The following PLA2G3 variants were observed in gnomAD, a reference collection of about 807,000 sequenced individuals.
PLA2G3 encodes the protein phospholipase A2 group III, also known as group 3 secretory phospholipase A2.
A neutral mutation model predicts 51.3 loss-of-function variants in PLA2G3; 39 were observed. That is an observed-to-expected ratio of 0.76 (90% CI 0.59 to 0.99). The LOEUF is 0.99. Ranked by LOEUF, PLA2G3 falls within the 50% of genes least tolerant of loss-of-function variation. PLA2G3 has a pLI of 0.00. For missense variants in PLA2G3, 677 were observed against 662.1 expected (o/e 1.02, Z -0.25); for synonymous variants, 293 against 263.1 (o/e 1.11, Z -1.10).
intron 2 of PLA2G3, 69 bp from the exon 3 acceptor site, chr22:31,138,479 T>C (rs1414113010): frequency 6.3e-7 from 1 of 1,581,482 alleles, no homozygotes; most frequent in East Asian, 2.2e-5. Flanking sequence ...CAGCCCACTG[T>C]GCCACTACCA....
At position 31,136,798 on chromosome 22, in the gene PLA2G3, G is replaced by C. The variant is rs779898186; in HGVS notation, c.1201C>G (p.Leu401Val). Residue 401 changes from leucine (L) to valine (V), a missense_variant and splice_region_variant, in exon 6 of 7, where the codon CTG (leucine) becomes GTG (valine). By Grantham distance (32) the Leu-to-Val change is conservative. Coordinates refer to ENST00000215885, the MANE Select transcript of PLA2G3 (RefSeq NM_015715.5). The stretch of plus-strand genomic sequence containing the variant: ...CTGTGGAGCCTCAGGAAGCGTGCCA[G>C]ACTGAGAACAGAGGCAGGCTCAGGC... ...PLFHCNCTRR[L>V]ARFLRLHSPP... The C allele has an allele frequency of 6.2e-7, 1 of 1,609,426 alleles. No homozygotes were observed. The highest frequency in any genetic ancestry group is 1.1e-5 in the South Asian group (1 of 90,716).
Position 31,137,997 on chromosome 22 carries a change from G to A in PLA2G3, c.783-4C>T. 6.5e-7 allele frequency: 1 copy of A among 1,535,692 alleles called. No individual in the cohort carries two copies. The highest frequency in any genetic ancestry group is 1.3e-5 in the South Asian group (1 of 78,030). ...CACTGTGCCGTACATCCTACACCTGGGTGGTGGCAGTTGGTGGAAATTGGT... is the reference window on the plus strand; with the variant it reads ...CACTGTGCCGTACATCCTACACCTGAGTGGTGGCAGTTGGTGGAAATTGGT... On this transcript the variant is annotated splice_polypyrimidine_tract_variant and splice_region_variant and intron_variant, in intron 3 of 6. Coordinates refer to ENST00000215885, the MANE Select transcript of PLA2G3 (RefSeq NM_015715.5).
At chr22:31,137,466 C>T (rs1229663077) in intron 4 of PLA2G3, among the ~76,000 whole-genome samples, 9 of 152,110 alleles carry the variant, frequency 5.9e-5, no homozygotes, top group Non-Finnish European at 1.0e-4. Context: ...GGCTTGAGGG[C>T]CTCTGGGTGT....
chr22:31,137,245 A>G (rs1341668478), intron 4 of PLA2G3, among the ~76,000 whole-genome samples: 1 of 152,216 alleles, frequency 6.6e-6, no homozygotes, highest in East Asian at 1.9e-4. Flanking sequence ...ACACGGTAGT[A>G]CTGCTATGGG....
chr22:31,137,779 T>A lies in PLA2G3; in HGVS notation c.997A>T (p.Met333Leu). The change falls in exon 4 of 7, where the codon ATG (methionine) becomes TTG (leucine). Residue 333 changes from methionine to leucine, a missense_variant. Coordinates refer to ENST00000215885, the MANE Select transcript of PLA2G3 (RefSeq NM_015715.5). ...KANTTALQDP[M>L]VSPRLDVAPT... ...GCCACATCAAGCCTGGGAGAGACCATAGGGTCCTGGAGGGCTGTGGTGTTG... is the reference window on the plus strand; with the variant it reads ...GCCACATCAAGCCTGGGAGAGACCAAAGGGTCCTGGAGGGCTGTGGTGTTG... 2 of 1,613,938 alleles carry A rather than the reference T, an allele frequency of 1.2e-6. No homozygotes were observed. Among genetic ancestry groups the A allele is most frequent in the Non-Finnish European group, 1.7e-6 (2 of 1,179,950 alleles).
Position 31,136,998 on chromosome 22 carries a change from T to C in PLA2G3, c.1109A>G (p.Gln370Arg). 3 of 1,560,620 alleles carry C rather than the reference T, an allele frequency of 1.9e-6. No individual in the cohort carries two copies. The highest frequency in any genetic ancestry group is 2.6e-6 in the Non-Finnish European group (3 of 1,152,802). ...VCRSFRRHLD[Q>R]CEHQIGPREI... Reference sequence around the variant, plus strand: ...CCGGGGCCCAATCTGGTGCTCACACTGGTCCAGGTGGCGGCGGAAGCTGCG... The same window carrying C: ...CCGGGGCCCAATCTGGTGCTCACACCGGTCCAGGTGGCGGCGGAAGCTGCG... Residue 370 changes from glutamine (Q) to arginine (R), a missense_variant, in exon 5 of 7, where the codon CAG becomes CGG. By Grantham distance (43) the Gln-to-Arg change is conservative (BLOSUM62 1). Transcript: ENST00000215885.
In PLA2G3 at chr22:31,135,298, C is replaced by CTGGT. The variant is rs1246146383; in HGVS notation, c.*424_*425insACCA. 1 of 167,272 alleles carries CTGGT rather than the reference C, an allele frequency of 6.0e-6. No individual in the cohort carries two copies. The highest frequency in any genetic ancestry group is 1.3e-5 in the Non-Finnish European group (1 of 77,142). The allele number at this position is 167,272 out of a possible 1,614,324, so 10.4% of individuals were successfully genotyped here. ...ACTTCCCACCTGCTACCTCAGGCCA[C>CTGGT]AGCACCCAGGCACTAGGGCTCCCCT... On this transcript the variant is annotated 3_prime_UTR_variant, in exon 7 of 7. Coordinates refer to ENST00000215885, the MANE Select transcript of PLA2G3 (RefSeq NM_015715.5).
In PLA2G3 at chr22:31,136,807, C is replaced by T; in HGVS notation, c.1200-8G>A. 1 of 1,607,222 alleles carries T rather than the reference C, an allele frequency of 6.2e-7. No homozygotes were observed. The highest frequency in any genetic ancestry group is 8.5e-7 in the Non-Finnish European group (1 of 1,177,404). Reference sequence around the variant, plus strand: ...CTCAGGAAGCGTGCCAGACTGAGAACAGAGGCAGGCTCAGGCCGGGGCAGG... The same window carrying T: ...CTCAGGAAGCGTGCCAGACTGAGAATAGAGGCAGGCTCAGGCCGGGGCAGG... On this transcript the variant is annotated splice_polypyrimidine_tract_variant and splice_region_variant and intron_variant, in intron 5 of 6. Transcript: ENST00000215885.
chr22:31,136,095 C>T lies in PLA2G3; in HGVS notation c.1317-159G>A, dbSNP rs368978287. Among the ~76,000 whole-genome samples, 187 of 152,268 alleles carry T rather than the reference C, an allele frequency of 1.2e-3. 3 individuals carry two copies. The highest frequency in any genetic ancestry group is 4.4e-3 in the African/African-American group (181 of 41,564). On this transcript the variant is annotated intron_variant, in intron 6 of 6. Coordinates refer to ENST00000215885, the MANE Select transcript of PLA2G3 (RefSeq NM_015715.5). The stretch of plus-strand genomic sequence containing the variant: ...TTCACGGAGAAAGGGTATAATAAAC[C>T]GGGCTGGTACCTGGAGGCCTGGGTT...
intron 1 of PLA2G3, 46 bp downstream of exon 1, chr22:31,139,795 G>A: frequency 7.2e-7 from 1 of 1,395,212 alleles, no homozygotes; most frequent in Non-Finnish European, 1.0e-6. Flanking sequence ...AAGAAACCTT[G>A]CTTCCCCGAT....
chr22:31,136,996 A>G lies in PLA2G3; in HGVS notation c.1111T>C (p.Cys371Arg). 2.6e-6 allele frequency: 4 copies of G among 1,564,794 alleles called. No individual in the cohort carries two copies. The highest frequency in any genetic ancestry group is 3.5e-6 in the Non-Finnish European group (4 of 1,155,160). Residue 371 changes from cysteine to arginine, a missense_variant, in exon 5 of 7, where the codon TGT becomes CGT. Physicochemically the swap from Cys to Arg is radical, Grantham distance 180 (BLOSUM62 -3). Coordinates refer to ENST00000215885, the MANE Select transcript of PLA2G3 (RefSeq NM_015715.5). Reference sequence around the variant, plus strand: ...TCCCGGGGCCCAATCTGGTGCTCACACTGGTCCAGGTGGCGGCGGAAGCTG... The same window carrying G: ...TCCCGGGGCCCAATCTGGTGCTCACGCTGGTCCAGGTGGCGGCGGAAGCTG... ...CRSFRRHLDQ[C>R]EHQIGPREIE... is the part of the protein sequence containing the mutation.
In PLA2G3 at chr22:31,135,795, G is replaced by A; in HGVS notation, c.1458C>T (p.Phe486=). The A allele has an allele frequency of 6.2e-7, 1 of 1,614,096 alleles. No homozygotes were observed. Among genetic ancestry groups the A allele is most frequent in the Non-Finnish European group, 8.5e-7 (1 of 1,180,042 alleles). ...PSEPLRGPMS[F]YNQCLQLTQA... Reference sequence around the variant, plus strand: ...GGGTTAGCTGCAGGCACTGGTTGTAGAATGACATGGGGCCTCTCAGGGGCT... The same window carrying A: ...GGGTTAGCTGCAGGCACTGGTTGTAAAATGACATGGGGCCTCTCAGGGGCT... Residue 486 remains phenylalanine (F), a synonymous_variant, in exon 7 of 7, where the codon TTC becomes TTT. Coordinates refer to ENST00000215885, the MANE Select transcript of PLA2G3 (RefSeq NM_015715.5).
At chr22:31,139,809 A>AC in intron 1 of PLA2G3, 32 bp downstream of exon 1, 1 of 1,513,406 alleles carries the variant, frequency 6.6e-7, no homozygotes, top group Non-Finnish European at 9.1e-7. Flanking sequence ...CCCCGATCGG[A>AC]CCCCCCAGCC....
rs752042690 is a variant in PLA2G3 at position 31,137,827 on chromosome 22, C to T, written c.949G>A (p.Gly317Arg). The change falls in exon 4 of 7, where the codon GGG becomes AGG. Residue 317 changes from glycine (G) to arginine (R), a missense_variant. Gly to Arg is a moderately radical substitution (Grantham distance 125). Transcript: ENST00000215885. The stretch of plus-strand genomic sequence containing the variant: ...TTGGCTTTGCTGGGGCGCTTGGACC[C>T]TTTCTGATGTGGTGGCCCCTTCCGA... Reference protein sequence around the residue: ...HLRKGPPHQKGSKRPSKANTT... With the variant: ...HLRKGPPHQKRSKRPSKANTT... 3.7e-6 allele frequency: 6 copies of T among 1,613,994 alleles called. No homozygotes were observed. The highest frequency in any genetic ancestry group is 5.1e-6 in the Non-Finnish European group (6 of 1,180,010).
At position 31,136,023 on chromosome 22, in the gene PLA2G3, A is replaced by G. The variant is rs532777324; in HGVS notation, c.1317-87T>C. 5 of 1,141,610 alleles carry G rather than the reference A, an allele frequency of 4.4e-6. No individual in the cohort carries two copies. The African/African-American group carries it at 4.6e-5, about 10-fold the overall frequency. 70.7% of individuals were successfully genotyped at this position (1,141,610 alleles called of 1,614,324 possible). A position where few individuals can be genotyped will look rare whatever the true frequency, so the allele number is the denominator to read the frequency against. On this transcript the variant is annotated intron_variant, in intron 6 of 6. Transcript: ENST00000215885. Reference sequence around the variant, plus strand: ...AGACAGTGGGCTGAGGCCCAGAGAGAGAGGGGGCTGGGGCCACAGTCACCA... The same window carrying G: ...AGACAGTGGGCTGAGGCCCAGAGAGGGAGGGGGCTGGGGCCACAGTCACCA...
In PLA2G3 at chr22:31,137,694, T is replaced by C; in HGVS notation, c.1066+16A>G. 2 of 1,575,336 alleles carry C rather than the reference T, an allele frequency of 1.3e-6. No homozygotes were observed. The highest frequency in any genetic ancestry group is 1.2e-5 in the South Asian group (1 of 84,164). On this transcript the variant is annotated intron_variant, in intron 4 of 6. Transcript: ENST00000215885. The stretch of plus-strand genomic sequence containing the variant: ...CCCTCATGTCAGGAACCCCCAAGGT[T>C]AGGTTCTGAGCTCACCCTGAGGTTT...
chr22:31,138,088 C>T (rs1263589296), intron 3 of PLA2G3, 95 bp from the exon 4 acceptor site: 2 of 1,384,332 alleles, frequency 1.4e-6, no homozygotes, highest in South Asian at 1.4e-5. Flanking sequence ...TCTGCCAGTC[C>T]CATCCCCCAT....
At chr22:31,138,583 C>G (rs1922727081) in intron 2 of PLA2G3, 84 bp downstream of exon 2, 1 of 1,560,320 alleles carries the variant, frequency 6.4e-7, no homozygotes, top group African/African-American at 1.4e-5. Flanking sequence ...TTAAGATCCT[C>G]TGCAATCCCA....
Position 31,136,966 on chromosome 22 carries a change from C to T in PLA2G3, c.1141G>A (p.Glu381Lys), listed in dbSNP as rs749719925. ...TGGGCGCTGTTGAGCAGCTGGAACTCGATTTCCCGGGGCCCAATCTGGTGC... is the reference window on the plus strand; with the variant it reads ...TGGGCGCTGTTGAGCAGCTGGAACTTGATTTCCCGGGGCCCAATCTGGTGC... ...CEHQIGPREI[E>K]FQLLNSAQEP... The change falls in exon 5 of 7, where the codon GAG becomes AAG. Residue 381 changes from glutamate to lysine, a missense_variant. Coordinates refer to ENST00000215885, the MANE Select transcript of PLA2G3 (RefSeq NM_015715.5). The T allele has an allele frequency of 7.6e-6, 12 of 1,586,192 alleles. No homozygotes were observed. The Admixed American group carries it at 1.3e-4, about 17-fold the overall frequency.
Sources: allele counts gnomAD v4.1 joint callset (sites outside exome capture counted in the v4.1 genomes callset), GRCh38; gene constraint gnomAD v4.1.1; transcripts MANE v1.5; gene names NCBI Gene and HGNC (gene_info 2026-07-23, HGNC 2026-07-21).